The following KLHL26 variants were observed in gnomAD, a reference collection of about 807,000 sequenced individuals.
KLHL26 encodes the protein kelch like family member 26.
Under a neutral mutation model 7.1 loss-of-function variants are expected in KLHL26, and 4 were observed. The ratio of observed to expected loss-of-function variants is 0.56; its 90% CI spans 0.28 to 1.28. The LOEUF (loss-of-function observed/expected upper bound fraction) is 1.28, where lower values mean the gene tolerates loss of function less well. Among genes scored for constraint, KLHL26 ranks in the 50% most tolerant of loss-of-function variants. The pLI, the probability that KLHL26 is intolerant of heterozygous loss-of-function variation, is 0.11. For synonymous variants in KLHL26, 465 were observed against 414.1 expected (o/e 1.12, Z -1.49); for missense variants, 896 against 924.6 (o/e 0.97, Z 0.40).
In KLHL26 at chr19:18,668,719, G is replaced by GCTA. The variant is rs1162468006; in HGVS notation, c.1324_1326dup (p.Tyr442dup). 1 of 1,578,216 alleles carries GCTA rather than the reference G, an allele frequency of 6.3e-7. No individual in the cohort carries two copies. The highest frequency in any genetic ancestry group is 1.3e-5 in the African/African-American group (1 of 74,232). Reference sequence around the variant, plus strand: ...TACTGCCCCCGGCGCAATGAGTGGGGCTACGCCTGCTCGCTGAAGCGCCGT... The same window carrying GCTA: ...TACTGCCCCCGGCGCAATGAGTGGGGCTACTACGCCTGCTCGCTGAAGCGCCGT... On this transcript the variant is annotated inframe_insertion, in exon 3 of 3. Transcript: ENST00000300976.
rs200651083 is a variant in KLHL26 at position 18,650,200 on chromosome 19, TG to T, written c.83+13066del. ...AAGACGGACCCGGGCGGGAGCGGTC[TG>T]GGCTGGATATCCGGAGAGTTCTGCT... On this transcript the variant is annotated intron_variant, in intron 1 of 2. Coordinates refer to ENST00000300976, the MANE Select transcript of KLHL26 (RefSeq NM_018316.3). This position sits in a 1 kb window ranked among gnomAD's most constrained non-coding sequence, Gnocchi z 4.2. Among the ~76,000 whole-genome samples the T allele has an allele frequency of 0.033, 4,974 of 152,284 alleles. 133 individuals are homozygous for T. Among genetic ancestry groups the T allele is most frequent in the Middle Eastern group, 0.079 (23 of 292 alleles).
rs1439964396 is a variant in KLHL26 at position 18,646,571 on chromosome 19, C to G, written c.83+9434C>G. Among the ~76,000 whole-genome samples, 3 of 152,218 alleles carry G rather than the reference C, an allele frequency of 2.0e-5. No individual in the cohort carries two copies. The highest frequency in any genetic ancestry group is 7.2e-5 in the African/African-American group (3 of 41,466). The stretch of plus-strand genomic sequence containing the variant: ...CCCTCTTTATGGGTTGTGGCTGTGA[C>G]AGATTCCTCATCTGGGAAATGGGGC... On this transcript the variant is annotated intron_variant, in intron 1 of 2. Coordinates refer to ENST00000300976, the MANE Select transcript of KLHL26 (RefSeq NM_018316.3). This position sits in a 1 kb window ranked among gnomAD's most constrained non-coding sequence, Gnocchi z 5.0.
intron 1 of KLHL26, among the ~76,000 whole-genome samples, chr19:18,640,051 G>A (rs1015415616): frequency 1.3e-5 from 2 of 150,950 alleles, no homozygotes; most frequent in African/African-American, 2.4e-5. Context: ...ATACAATCTC[G>A]TATGGACGGA....
At position 18,668,361 on chromosome 19, in the gene KLHL26, A is replaced by G. The variant is rs779437678; in HGVS notation, c.964A>G (p.Ser322Gly). The change falls in exon 3 of 3, where the codon AGC becomes GGC. Residue 322 changes from serine (S) to glycine (G), a missense_variant. By Grantham distance (56) the Ser-to-Gly change is moderately conservative. Transcript: ENST00000300976. Reference protein sequence around the residue: ...VTFGGTPYTDSDRSVSSKVYQ... With the variant: ...VTFGGTPYTDGDRSVSSKVYQ... ...CTTCGGCGGCACGCCCTACACCGAC[A>G]GCGACCGCTCGGTCAGCAGCAAGGT... 1.2e-6 allele frequency: 2 copies of G among 1,607,788 alleles called. No individual in the cohort carries two copies. The highest frequency in any genetic ancestry group is 8.5e-7 in the Non-Finnish European group (1 of 1,178,776).
intron 2 of KLHL26, among the ~76,000 whole-genome samples, chr19:18,665,782 T>G (rs147004301): frequency 3.9e-4 from 60 of 152,200 alleles, no homozygotes; most frequent in African/African-American, 1.1e-3. Context: ...GACCAGCAGG[T>G]GAGCCTCCTT....
At chr19:18,659,688 A>G (rs944805921) in intron 1 of KLHL26, 7 of 151,930 alleles carry the variant, frequency 4.6e-5, no homozygotes, top group African/African-American at 1.7e-4. Flanking sequence ...AATGAAAAGA[A>G]CCGTTCTGGG....
chr19:18,662,004 C>G (rs1184494078), intron 1 of KLHL26, among the ~76,000 whole-genome samples: 1 of 152,194 alleles, frequency 6.6e-6, no homozygotes, highest in African/African-American at 2.4e-5. Context: ...CTCAGCCTCC[C>G]AAGTAGCTGG....
At chr19:18,665,629 C>T (rs572920131) in intron 2 of KLHL26, among the ~76,000 whole-genome samples, 1 of 152,244 alleles carries the variant, frequency 6.6e-6, no homozygotes, top group Non-Finnish European at 1.5e-5. Context: ...ACAGAAGAGG[C>T]CATGGCGGGC....
At chr19:18,645,210 G>A (rs775106939) in intron 1 of KLHL26, among the ~76,000 whole-genome samples, 8 of 152,264 alleles carry the variant, frequency 5.3e-5, no homozygotes, top group South Asian at 2.1e-4. Flanking sequence ...CTCGGGCCGC[G>A]GGGTCTAGAC....
At position 18,668,293 on chromosome 19, in the gene KLHL26, C is replaced by T. The variant is rs769614687; in HGVS notation, c.896C>T (p.Ser299Phe). The change falls in exon 3 of 3, where the codon TCT (serine) becomes TTT (phenylalanine). Residue 299 changes from serine to phenylalanine, a missense_variant. Ser to Phe is a radical substitution (Grantham distance 155). Transcript: ENST00000300976. ...CCCTTCCGGCAGCACGAGATGCAGTCTCCGCGCACCGCCGTGCGCTCGGAT... is the reference window on the plus strand; with the variant it reads ...CCCTTCCGGCAGCACGAGATGCAGTTTCCGCGCACCGCCGTGCGCTCGGAT... ...VLPFRQHEMQ[S>F]PRTAVRSDVP... 87 of 1,611,802 alleles carry T rather than the reference C, an allele frequency of 5.4e-5. No homozygotes were observed. The highest frequency in any genetic ancestry group is 7.3e-5 in the Non-Finnish European group (86 of 1,179,842).
In KLHL26 at chr19:18,668,942, C is replaced by T. The variant is rs140229126; in HGVS notation, c.1545C>T (p.Gly515=). 2.7e-4 allele frequency: 442 copies of T among 1,609,874 alleles called. No homozygotes were observed. The highest frequency in any genetic ancestry group is 3.6e-4 in the Non-Finnish European group (427 of 1,179,908). The change falls in exon 3 of 3, where the codon GGC becomes GGT. Residue 515 remains glycine (G), a synonymous_variant. Coordinates refer to ENST00000300976, the MANE Select transcript of KLHL26 (RefSeq NM_018316.3). ...GCGGCCGCATCTATGCCCTCGGGGG[C>T]CGCATGGACCACGTGGACCGCTGCT... ...GAGGRIYALG[G]RMDHVDRCFD...
chr19:18,661,242 C>T (rs926225635), intron 1 of KLHL26, among the ~76,000 whole-genome samples: 2 of 152,158 alleles, frequency 1.3e-5, no homozygotes, highest in African/African-American at 2.4e-5. Context: ...TGCCAGTCAG[C>T]TGAACTGATC....
At chr19:18,659,632 A>G (rs568941706) in intron 1 of KLHL26, 1 of 152,148 alleles carries the variant, frequency 6.6e-6, no homozygotes, top group Non-Finnish European at 1.5e-5. Context: ...GTTTCCATGA[A>G]ATTCTTTCTT....
rs1172945249 is a variant in KLHL26, at chr19:18,667,640, ACACGTTGTGTTTCTG to A, written c.267-22_267-8del. 6.3e-7 allele frequency: 1 copy of A among 1,593,826 alleles called. No homozygotes were observed. Among genetic ancestry groups the A allele is most frequent in the Non-Finnish European group, 8.6e-7 (1 of 1,168,822 alleles). ...AAACACCCCTCAGCCACTGCCAGCC[ACACGTTGTGTTTCTG>A]CCCTTCAGGGCCATGTTCACCGGCG... On this transcript the variant is annotated splice_polypyrimidine_tract_variant and intron_variant, in intron 2 of 2. Transcript: ENST00000300976.
intron 1 of KLHL26, among the ~76,000 whole-genome samples, chr19:18,645,872 T>TGA (rs1485838011): frequency 6.6e-6 from 1 of 151,638 alleles, no homozygotes; most frequent in African/African-American, 2.4e-5. Flanking sequence ...TGCTGCCTGC[T>TGA]GAAAGTGTTT....
intron 1 of KLHL26, among the ~76,000 whole-genome samples, chr19:18,638,138 G>A (rs112227003): frequency 6.0e-4 from 91 of 152,326 alleles, no homozygotes; most frequent in African/African-American, 2.0e-3. Flanking sequence ...AGGCCAAGGA[G>A]GAAATTCAGG....
chr19:18,639,933 G>C (rs1000018416), intron 1 of KLHL26, among the ~76,000 whole-genome samples: 1 of 151,890 alleles, frequency 6.6e-6, no homozygotes, highest in African/African-American at 2.4e-5. Flanking sequence ...TGGCCTTTAC[G>C]TCTGGTTTCT....
At chr19:18,644,854 G>A (rs1403468402) in intron 1 of KLHL26, among the ~76,000 whole-genome samples, 3 of 152,090 alleles carry the variant, frequency 2.0e-5, no homozygotes, top group East Asian at 3.9e-4. Flanking sequence ...GGCAGTTCCT[G>A]TCTTCCCCCT....
At chr19:18,637,218 G>A (rs902870327) in intron 1 of KLHL26, 81 bp downstream of exon 1, 2 of 1,222,346 alleles carry the variant, frequency 1.6e-6, no homozygotes, top group Middle Eastern at 2.2e-4. Context: ...GTCCTGAGGG[G>A]TTGAGGGGAG....
Sources: allele counts gnomAD v4.1 joint callset (sites outside exome capture counted in the v4.1 genomes callset), GRCh38; gene constraint gnomAD v4.1.1; non-coding constraint Gnocchi (gnomAD v3.1); transcripts MANE v1.5; gene names NCBI Gene and HGNC (gene_info 2026-07-23, HGNC 2026-07-21).